The following ATP6V1B1 variants were observed in gnomAD, a reference collection of about 807,000 sequenced individuals.
ATP6V1B1 encodes ATPase H+ transporting V1 subunit B1.
ATP6V1B1 carries 41 observed loss-of-function variants against 62.1 expected under a neutral mutation model. The observed-to-expected ratio is 0.66, with a 90% CI of 0.51 to 0.86. The LOEUF is 0.86. ATP6V1B1 is among the 40% of genes least tolerant of loss of function. ATP6V1B1 has a pLI of 0.00. For synonymous variants in ATP6V1B1, 253 were observed against 273.4 expected (o/e 0.93, Z 0.74); for missense variants, 651 against 697.5 (o/e 0.93, Z 0.75).
chr2:70,943,187 T>C (rs1333700024), intron 1 of ATP6V1B1, among the ~76,000 whole-genome samples: 1 of 150,900 alleles, frequency 6.6e-6, no homozygotes, highest in East Asian at 2.0e-4. Context: ...ACACACCACA[T>C]ACACACACAC....
chr2:70,958,274 G>A (rs782727362), intron 3 of ATP6V1B1, 59 bp from the exon 4 acceptor site: 16 of 1,602,226 alleles, frequency 1.0e-5, no homozygotes, highest in East Asian at 2.2e-5. Context: ...GCCCAGAATG[G>A]GTAGCCCCAT....
At chr2:70,945,701 G>GAGAGAT (rs1553417203) in intron 2 of ATP6V1B1, among the ~76,000 whole-genome samples, 2 of 83,018 alleles carry the variant, frequency 2.4e-5, no homozygotes, top group African/African-American at 9.6e-5. Context: ...TATTTGAAGA[G>GAGAGAT]ATATATATAT....
chr2:70,950,521 C>T (rs1349371688), intron 2 of ATP6V1B1, among the ~76,000 whole-genome samples: 1 of 150,852 alleles, frequency 6.6e-6, no homozygotes, highest in Non-Finnish European at 1.5e-5. Context: ...ATATTTATTT[C>T]TAGCTATTTT....
rs1208156493 is a variant in ATP6V1B1, at chr2:70,959,759, C to A, written c.446-180C>A. ...AAGAAAGTCCCATTTCAGAGTCACA[C>A]GTCATGTGCTCAATAGCCATTTGTA... On this transcript the variant is annotated intron_variant, in intron 5 of 13. Transcript: ENST00000234396. This position sits in a 1 kb window ranked among gnomAD's most constrained non-coding sequence, Gnocchi z 4.2. Among the ~76,000 whole-genome samples the A allele has an allele frequency of 6.6e-6, 1 of 152,214 alleles. No individual in the cohort carries two copies. The highest frequency in any genetic ancestry group is 2.4e-5 in the African/African-American group (1 of 41,444).
At chr2:70,960,142 GA>G in intron 6 of ATP6V1B1, 64 bp downstream of exon 6, 2 of 1,601,442 alleles carry the variant, frequency 1.2e-6, no homozygotes, top group South Asian at 2.2e-5. Context: ...GGGGCTGCTG[GA>G]CCAGTGAGGA....
At chr2:70,950,484 A>G (rs1281508670) in intron 2 of ATP6V1B1, among the ~76,000 whole-genome samples, 49 of 147,176 alleles carry the variant, frequency 3.3e-4, no homozygotes, top group Admixed American at 3.2e-3. Context: ...ATGTTATTCC[A>G]TAATTTTTTT....
At chr2:70,960,805 C>T (rs992732768) in intron 6 of ATP6V1B1, 116 bp from the exon 7 acceptor site, 2 of 522,224 alleles carry the variant, frequency 3.8e-6, no homozygotes, top group South Asian at 1.5e-5. Context: ...TGGGGCAGCC[C>T]CCTCACCTCT....
chr2:70,959,802 C>A lies in ATP6V1B1; in HGVS notation c.446-137C>A. The A allele has an allele frequency of 7.9e-7, 1 of 1,272,752 alleles. No homozygotes were observed. Among genetic ancestry groups the A allele is most frequent in the South Asian group, 1.3e-5 (1 of 78,874 alleles). The allele number at this position is 1,272,752 out of a possible 1,614,324, so 78.8% of individuals were successfully genotyped here. ...CATTTGTATCTAGGGCTACATCAGG[C>A]AGCACGGCCAGAGCACGTTTCTATC... On this transcript the variant is annotated intron_variant, in intron 5 of 13. Coordinates refer to ENST00000234396, the MANE Select transcript of ATP6V1B1 (RefSeq NM_001692.4). The surrounding 1 kb of genome is among the most constrained non-coding windows in gnomAD (Gnocchi z 4.2).
chr2:70,965,143 A>G lies in ATP6V1B1; in HGVS notation c.*22A>G. 6.2e-7 allele frequency: 1 copy of G among 1,604,640 alleles called. No homozygotes were observed. Among genetic ancestry groups the G allele is most frequent in the Non-Finnish European group, 8.5e-7 (1 of 1,179,674 alleles). ...CTAGCCCCGCGCGCCGTGGCACCCC[A>G]ACACCGGCAGGGAACCTACCCTCGG... is the stretch of plus-strand genomic sequence containing the variant. On this transcript the variant is annotated 3_prime_UTR_variant, in exon 14 of 14. Coordinates refer to ENST00000234396, the MANE Select transcript of ATP6V1B1 (RefSeq NM_001692.4).
In ATP6V1B1 at chr2:70,959,150, A is replaced by G; in HGVS notation, c.445+55A>G. On this transcript the variant is annotated intron_variant, in intron 5 of 13. Transcript: ENST00000234396. This position sits in a 1 kb window ranked among gnomAD's most constrained non-coding sequence, Gnocchi z 4.2. ...GGGACCCAGCCCTAACACCTTCCCC[A>G]CTCTTGGAAGTTCTGCCCAGACTCA... is the stretch of plus-strand genomic sequence containing the variant. 3 of 1,575,572 alleles carry G rather than the reference A, an allele frequency of 1.9e-6. No individual in the cohort carries two copies. Among genetic ancestry groups the G allele is most frequent in the Non-Finnish European group, 2.6e-6 (3 of 1,146,446 alleles).
intron 1 of ATP6V1B1, chr2:70,938,534 G>C (rs535380876): frequency 5.1e-6 from 5 of 985,020 alleles, no homozygotes; most frequent in Non-Finnish European, 4.8e-6. Flanking sequence ...CCCCTCCCCC[G>C]GGGGAGGTGG....
chr2:70,963,854 TGAGAA>T lies in ATP6V1B1; in HGVS notation c.1143+203_1143+207del, dbSNP rs1553420550. Among the ~76,000 whole-genome samples the T allele has an allele frequency of 6.6e-6, 1 of 152,220 alleles. No individual in the cohort carries two copies. Among genetic ancestry groups the T allele is most frequent in the African/African-American group, 2.4e-5 (1 of 41,452 alleles). On this transcript the variant is annotated intron_variant, in intron 11 of 13. Transcript: ENST00000234396. The surrounding 1 kb of genome is among the most constrained non-coding windows in gnomAD (Gnocchi z 4.3). ...TCTGGTTTACCTGGCTCTGGGATCT[TGAGAA>T]GATAATTTCATCTCTTGGATCCTAG...
Position 70,965,327 on chromosome 2 carries a change from C to A in ATP6V1B1, c.*206C>A. 1.4e-6 allele frequency: 1 copy of A among 694,042 alleles called. No homozygotes were observed. The highest frequency in any genetic ancestry group is 2.4e-6 in the Non-Finnish European group (1 of 421,424). 43.0% of individuals were successfully genotyped at this position (694,042 alleles called of 1,614,324 possible). A position where few individuals can be genotyped will look rare whatever the true frequency, so the allele number is the denominator to read the frequency against. ...CATGCCTCCCCCTCGACTCCCGGTG[C>A]TGCGGAAGAACTGAAGGTTGCGATG... On this transcript the variant is annotated 3_prime_UTR_variant, in exon 14 of 14. Transcript: ENST00000234396.
Position 70,964,939 on chromosome 2 carries a change from C to T in ATP6V1B1, c.1379-19C>T. ...CGCCCCACACACATTCCTAACACTC[C>T]CTCCCGCTCTGTCCCTAGGCCCCTA... is the stretch of plus-strand genomic sequence containing the variant. On this transcript the variant is annotated intron_variant, in intron 13 of 13. Transcript: ENST00000234396. 1.2e-6 allele frequency: 2 copies of T among 1,614,028 alleles called. No individual in the cohort carries two copies. Among genetic ancestry groups the T allele is most frequent in the Non-Finnish European group, 1.7e-6 (2 of 1,180,034 alleles).
chr2:70,944,692 G>A (rs1250198814), intron 2 of ATP6V1B1, among the ~76,000 whole-genome samples: 6 of 137,502 alleles, frequency 4.4e-5, no homozygotes, highest in Admixed American at 7.5e-5. Flanking sequence ...TTTTTGAGAC[G>A]GAGTCTCACT....
In ATP6V1B1 at chr2:70,960,834, C is replaced by T. The variant is rs1680567387; in HGVS notation, c.586-87C>T. 3.5e-6 allele frequency: 4 copies of T among 1,137,188 alleles called. No homozygotes were observed. In the African/African-American group the frequency reaches 6.4e-5, roughly 18 times the overall value. The allele number at this position is 1,137,188 out of a possible 1,614,324, so 70.4% of individuals were successfully genotyped here. A position where few individuals can be genotyped will look rare whatever the true frequency, so the allele number is the denominator to read the frequency against. On this transcript the variant is annotated intron_variant, in intron 6 of 13. Coordinates refer to ENST00000234396, the MANE Select transcript of ATP6V1B1 (RefSeq NM_001692.4). ...CACCTCTCTGGGCTTGGATCCCTCC[C>T]ACCAAAGGCCATGAGCCAGTGGTGC... is the stretch of plus-strand genomic sequence containing the variant.
chr2:70,958,891 CG>C, intron 4 of ATP6V1B1, 126 bp from the exon 5 acceptor site: 1 of 887,904 alleles, frequency 1.1e-6, no homozygotes, highest in Non-Finnish European at 1.8e-6. Flanking sequence ...TGTGGGCTGC[CG>C]GGGAGGGGGA....
chr2:70,955,887 AT>A lies in ATP6V1B1; in HGVS notation c.175-2149del, dbSNP rs1362762107. 2.0e-3 allele frequency: 312 copies of A among 153,934 alleles called. 1 individual carries two copies. Among genetic ancestry groups the A allele is most frequent in the African/African-American group, 6.9e-3 (282 of 41,104 alleles). 9.5% of individuals were successfully genotyped at this position (153,934 alleles called of 1,614,324 possible). A position where few individuals can be genotyped will look rare whatever the true frequency, so the allele number is the denominator to read the frequency against. On this transcript the variant is annotated intron_variant, in intron 2 of 13. Transcript: ENST00000234396. ...TGAAAAGAGTTAACAGTTTATTATA[AT>A]TTTTTTTTTCACAATCTAGGAAGCT...
chr2:70,953,089 C>A (rs782247856), intron 2 of ATP6V1B1, among the ~76,000 whole-genome samples: 4 of 152,198 alleles, frequency 2.6e-5, no homozygotes, highest in Non-Finnish European at 5.9e-5. Flanking sequence ...GCCTCAGCTT[C>A]CCCAGTAGCT....
Sources: allele counts gnomAD v4.1 joint callset (sites outside exome capture counted in the v4.1 genomes callset), GRCh38; gene constraint gnomAD v4.1.1; non-coding constraint Gnocchi (gnomAD v3.1); transcripts MANE v1.5; gene names NCBI Gene and HGNC (gene_info 2026-07-23, HGNC 2026-07-21).